The following PCDHGA8 variants were observed in gnomAD, a reference collection of about 807,000 sequenced individuals.
PCDHGA8 encodes the protein protocadherin gamma-A8.
Under a neutral mutation model 59.2 loss-of-function variants are expected in PCDHGA8, and 45 were observed. The observed-to-expected ratio is 0.76, with a 90% confidence interval of 0.60 to 0.98. The LOEUF (loss-of-function observed/expected upper bound fraction) is 0.98, where lower values mean the gene tolerates loss of function less well. Among genes scored for constraint, PCDHGA8 ranks in the 50% least tolerant of loss-of-function variants. The probability of loss-of-function intolerance (pLI) is 0.00; values close to 1 mark genes in which losing one functional copy is unlikely to be tolerated. For synonymous variants in PCDHGA8, 531 were observed against 519.0 expected (o/e 1.02, Z -0.32); for missense variants, 1,257 against 1,196.2 (o/e 1.05, Z -0.75).
rs748115530 is a variant in PCDHGA8 at position 141,489,429 on chromosome 5, G to C, written c.2425-5378G>C. 5 of 1,614,022 alleles carry C rather than the reference G, an allele frequency of 3.1e-6. No individual in the cohort carries two copies. The East Asian group carries it at 8.9e-5, about 29-fold the overall frequency. ...AGATGACAGATCTGTTGAGCCGGCG[G>C]CTGCAATTGGGCTCTGAGGAGAATG... On this transcript the variant is annotated intron_variant, in intron 1 of 3. Transcript: ENST00000398604. The surrounding 1 kb of genome is among the most constrained non-coding windows in gnomAD (Gnocchi z 4.5).
Position 141,486,740 on chromosome 5 carries a change from T to G in PCDHGA8, c.2425-8067T>G. Reference sequence around the variant, plus strand: ...AGGAGCTGTTCATGCTACTCGATCCTTTGACTATGAGCAAACCCAGACACT... The same window carrying G: ...AGGAGCTGTTCATGCTACTCGATCCGTTGACTATGAGCAAACCCAGACACT... On this transcript the variant is annotated intron_variant, in intron 1 of 3. Transcript: ENST00000398604. This position sits in a 1 kb window ranked among gnomAD's most constrained non-coding sequence, Gnocchi z 5.0. 6.2e-7 allele frequency: 1 copy of G among 1,614,234 alleles called. No individual in the cohort carries two copies. The highest frequency in any genetic ancestry group is 8.5e-7 in the Non-Finnish European group (1 of 1,180,046).
intron 1 of PCDHGA8, chr5:141,422,357 C>T: frequency 6.4e-7 from 1 of 1,557,656 alleles, no homozygotes; most frequent in South Asian, 1.3e-5. Context: ...GATCAAGATT[C>T]TGGAGAAAAT....
intron 1 of PCDHGA8, among the ~76,000 whole-genome samples, chr5:141,471,118 A>G (rs58897068): frequency 0.11 from 15,938 of 141,604 alleles, 871 homozygotes; most frequent in South Asian, 0.16. Flanking sequence ...GTGCGATCTT[A>G]CCTTCACTGC....
At chr5:141,430,405 A>T (rs1163049877) in intron 1 of PCDHGA8, among the ~76,000 whole-genome samples, 1 of 152,124 alleles carries the variant, frequency 6.6e-6, no homozygotes, top group Non-Finnish European at 1.5e-5. Flanking sequence ...AAGCTCACTA[A>T]AGTTTCTATT....
At position 141,496,642 on chromosome 5, in the gene PCDHGA8, G is replaced by C. The variant is rs1053400475; in HGVS notation, c.2483+1777G>C. Among the ~76,000 whole-genome samples the C allele has an allele frequency of 6.6e-5, 10 of 152,318 alleles. No individual in the cohort carries two copies. In the East Asian group the frequency reaches 1.5e-3, roughly 24 times the overall value. ...AGATCAAAAGGCTTGGGCTGCCCTT[G>C]CCCTTCCTTTGACCCCAGCTGTTGT... On this transcript the variant is annotated intron_variant, in intron 2 of 3. Transcript: ENST00000398604.
Position 141,485,117 on chromosome 5 carries a change from G to A in PCDHGA8, c.2425-9690G>A. The A allele has an allele frequency of 3.0e-6, 4 of 1,326,200 alleles. No homozygotes were observed. The highest frequency in any genetic ancestry group is 4.3e-6 in the Non-Finnish European group (4 of 933,470). 82.2% of individuals were successfully genotyped at this position (1,326,200 alleles called of 1,614,324 possible). On this transcript the variant is annotated intron_variant, in intron 1 of 3. Transcript: ENST00000398604. The surrounding 1 kb of genome is among the most constrained non-coding windows in gnomAD (Gnocchi z 5.7). ...GTCTCCAGCTGCTGTGGCTGTTTGG[G>A]GCGGGTCGGCTTCATCCGCGTCTCA...
intron 1 of PCDHGA8, chr5:141,427,790 C>G: frequency 6.7e-7 from 1 of 1,482,224 alleles, no homozygotes; most frequent in South Asian, 1.1e-5. Flanking sequence ...TGTCGTCCTA[C>G]GTGTCCGTGA....
intron 1 of PCDHGA8, chr5:141,403,387 C>T: frequency 6.2e-7 from 1 of 1,614,042 alleles, no homozygotes; most frequent in Non-Finnish European, 8.5e-7. Context: ...TTAACGAAAT[C>T]GCGGTTCCTG....
chr5:141,394,754 G>T lies in PCDHGA8; in HGVS notation c.1941G>T (p.Gln647His), dbSNP rs753264235. The change falls in exon 1 of 4, where the codon CAG becomes CAT. Residue 647 changes from glutamine to histidine, a missense_variant. Physicochemically the swap from Gln to His is conservative, Grantham distance 24. Transcript: ENST00000398604. The stretch of plus-strand genomic sequence containing the variant: ...AGCAGAGCCTCGTGGTGGCCGTCCA[G>T]GACCATGGCCAGCCCCCTCTCTCCG... ...ALKQSLVVAV[Q>H]DHGQPPLSAT... The T allele has an allele frequency of 1.2e-6, 2 of 1,613,428 alleles. No homozygotes were observed. The highest frequency in any genetic ancestry group is 1.7e-6 in the Non-Finnish European group (2 of 1,179,990).
chr5:141,486,456 C>G lies in PCDHGA8; in HGVS notation c.2425-8351C>G. ...AGCTATGACATCATGGTCACTGCTT[C>G]TGATGCTGGGAACCCTCCTCTCAGT... is the stretch of plus-strand genomic sequence containing the variant. On this transcript the variant is annotated intron_variant, in intron 1 of 3. Transcript: ENST00000398604. The surrounding 1 kb of genome is among the most constrained non-coding windows in gnomAD (Gnocchi z 5.0). The G allele has an allele frequency of 1.9e-6, 3 of 1,614,052 alleles. No homozygotes were observed. In the South Asian group the frequency reaches 3.3e-5, roughly 18 times the overall value.
chr5:141,410,063 C>A lies in PCDHGA8; in HGVS notation c.2424+14826C>A. 1.9e-6 allele frequency: 3 copies of A among 1,612,972 alleles called. No homozygotes were observed. The South Asian group carries it at 3.3e-5, about 18-fold the overall frequency. On this transcript the variant is annotated intron_variant, in intron 1 of 3. Coordinates refer to ENST00000398604, the MANE Select transcript of PCDHGA8 (RefSeq NM_032088.2). ...TGAGCCCGGACTCTTCAGCCTGGGG[C>A]TGCGCACTGGGGAGGTGCGCACGGC...
intron 1 of PCDHGA8, chr5:141,422,266 G>A (rs1393466157): frequency 6.4e-7 from 1 of 1,563,654 alleles, no homozygotes; most frequent in Non-Finnish European, 8.6e-7. Context: ...TAACGCTCCA[G>A]AAATAACTAT....
intron 1 of PCDHGA8, chr5:141,419,426 G>C: frequency 6.2e-7 from 1 of 1,613,312 alleles, no homozygotes; most frequent in Non-Finnish European, 8.5e-7. Flanking sequence ...CTTCGACCAC[G>C]AGCAGCTGCG....
At chr5:141,500,185 TTTA>T (rs549090582) in intron 2 of PCDHGA8, among the ~76,000 whole-genome samples, 1 of 55,104 alleles carries the variant, frequency 1.8e-5, no homozygotes, top group Non-Finnish European at 3.2e-5. Flanking sequence ...CATTTTTATT[TTTA>T]TTTATTTATT....
At chr5:141,454,665 CA>C (rs2098795764) in intron 1 of PCDHGA8, among the ~76,000 whole-genome samples, 3 of 152,058 alleles carry the variant, frequency 2.0e-5, no homozygotes, top group Non-Finnish European at 4.4e-5. Flanking sequence ...CTCGGCCTCC[CA>C]AAACACTGGG....
intron 1 of PCDHGA8, chr5:141,419,577 C>T: frequency 3.7e-6 from 6 of 1,611,732 alleles, no homozygotes; most frequent in Non-Finnish European, 5.1e-6. Flanking sequence ...GACGGCTCCG[C>T]GCTCTTCGAC....
At chr5:141,412,189 T>C (rs560869081) in intron 1 of PCDHGA8, 21 of 152,370 alleles carry the variant, frequency 1.4e-4, no homozygotes, top group Admixed American at 1.2e-3. Context: ...AATGCTCTGA[T>C]GAAAACAGGT....
At chr5:141,399,445 G>GATA in intron 1 of PCDHGA8, 1 of 1,614,032 alleles carries the variant, frequency 6.2e-7, no homozygotes, top group Non-Finnish European at 8.5e-7. Flanking sequence ...ACATATCAGA[G>GATA]ACGTCAACGA....
rs2092663894 is a variant in PCDHGA8, at chr5:141,393,049, C to T, written c.236C>T (p.Pro79Leu). Residue 79 changes from proline to leucine, a missense_variant, in exon 1 of 4, where the codon CCG becomes CTG. Physicochemically the swap from Pro to Leu is moderately conservative, Grantham distance 98. Coordinates refer to ENST00000398604, the MANE Select transcript of PCDHGA8 (RefSeq NM_032088.2). ...RGRTQLFALN[P>L]RSGSLITAGR... The stretch of plus-strand genomic sequence containing the variant: ...AGGACGCAGCTCTTTGCTCTGAACC[C>T]GCGCAGCGGCAGCTTGATCACCGCG... 2.5e-6 allele frequency: 4 copies of T among 1,613,486 alleles called. No individual in the cohort carries two copies. The highest frequency in any genetic ancestry group is 1.1e-5 in the South Asian group (1 of 91,054).
Sources: allele counts gnomAD v4.1 joint callset (sites outside exome capture counted in the v4.1 genomes callset), GRCh38; gene constraint gnomAD v4.1.1; non-coding constraint Gnocchi (gnomAD v3.1); transcripts MANE v1.5; gene names NCBI Gene and HGNC (gene_info 2026-07-23, HGNC 2026-07-21).